Variants in PTP4A3 observed in about 807,000 individuals in gnomAD.
PTP4A3 encodes the protein protein tyrosine phosphatase 4A3.
PTP4A3 carries 9 observed loss-of-function variants against 15.2 expected under a neutral mutation model. The ratio of observed to expected loss-of-function variants is 0.59; its 90% CI spans 0.36 to 1.03. The LOEUF is 1.03. Ranked by LOEUF, PTP4A3 falls within the 50% of genes least tolerant of loss-of-function variation. The probability of loss-of-function intolerance (pLI) is 0.02; values close to 1 mark genes in which losing one functional copy is unlikely to be tolerated. For missense variants in PTP4A3, 234 were observed against 252.1 expected (o/e 0.93, Z 0.49); for synonymous variants, 95 against 102.0 (o/e 0.93, Z 0.41).
In PTP4A3 at chr8:141,425,022, T is replaced by C. The variant is rs1833501979; in HGVS notation, c.106-26T>C. ...GAGCCCTGCAGCCCCAGCCCAGCCCTGCCTCCTCCGTCCTCCCACCCCCAG... is the reference window on the plus strand; with the variant it reads ...GAGCCCTGCAGCCCCAGCCCAGCCCCGCCTCCTCCGTCCTCCCACCCCCAG... On this transcript the variant is annotated intron_variant, in intron 2 of 5. Transcript: ENST00000521578. The surrounding 1 kb of genome is among the most constrained non-coding windows in gnomAD (Gnocchi z 4.2). 1.3e-6 allele frequency: 2 copies of C among 1,584,458 alleles called. No homozygotes were observed. Among genetic ancestry groups the C allele is most frequent in the East Asian group, 2.2e-5 (1 of 44,628 alleles).
intron 1 of PTP4A3, among the ~76,000 whole-genome samples, chr8:141,405,083 G>A (rs1031403821): frequency 1.7e-4 from 26 of 152,174 alleles, no homozygotes; most frequent in Admixed American, 1.5e-3. Context: ...CCTGTCTGCC[G>A]CCCACAGTCC....
At chr8:141,430,115 G>A (rs190240586) in intron 5 of PTP4A3, among the ~76,000 whole-genome samples, 25 of 144,502 alleles carry the variant, frequency 1.7e-4, no homozygotes, top group African/African-American at 5.4e-4. Flanking sequence ...CAGGGTGAGC[G>A]TACAGCCCAG....
chr8:141,420,605 T>C (rs1833285420), intron 1 of PTP4A3, among the ~76,000 whole-genome samples: 1 of 152,178 alleles, frequency 6.6e-6, no homozygotes, highest in Non-Finnish European at 1.5e-5. Flanking sequence ...GTCACCACCT[T>C]GGCATGTGTG....
rs970483411 is a variant in PTP4A3, at chr8:141,408,136, C to A, written c.-853-13252C>A. 3.3e-5 allele frequency among the ~76,000 whole-genome samples: 5 copies of A among 152,244 alleles called. No individual in the cohort carries two copies. In the East Asian group the frequency reaches 7.7e-4, roughly 24 times the overall value. On this transcript the variant is annotated intron_variant, in intron 1 of 5. Coordinates refer to ENST00000521578, the MANE Select transcript of PTP4A3 (RefSeq NM_032611.3). ...GCAGAGGGCCACGTGGTGTGTGAGG[C>A]CATTCACAGCAAATGTCCTGAACAG... is the stretch of plus-strand genomic sequence containing the variant.
chr8:141,401,392 G>T lies in PTP4A3; in HGVS notation c.-854+9308G>T, dbSNP rs777935414. 2.4e-3 allele frequency among the ~76,000 whole-genome samples: 362 copies of T among 152,282 alleles called. 10 individuals are homozygous for T. Among genetic ancestry groups the T allele is most frequent in the East Asian group, 1.5e-3 (8 of 5,180 alleles). On this transcript the variant is annotated intron_variant, in intron 1 of 5. Transcript: ENST00000521578. ...GGGAGGGCACTGGGTTTGGTGGGCT[G>T]GCCCTGGGGTAACTTGCCTGCCTGT...
At chr8:141,424,899 T>C (rs1164489617) in intron 2 of PTP4A3, 149 bp from the exon 3 acceptor site, 5 of 663,212 alleles carry the variant, frequency 7.5e-6, no homozygotes, top group Non-Finnish European at 1.3e-5. Context: ...GGGACAGGGC[T>C]CCACCCCGAG....
chr8:141,412,127 A>G (rs1832886142), intron 1 of PTP4A3, among the ~76,000 whole-genome samples: 1 of 152,150 alleles, frequency 6.6e-6, no homozygotes, highest in Non-Finnish European at 1.5e-5. Context: ...TCATGGGTAT[A>G]TGGGGGTGCT....
At chr8:141,395,968 T>C (rs968764051) in intron 1 of PTP4A3, among the ~76,000 whole-genome samples, 1 of 152,172 alleles carries the variant, frequency 6.6e-6, no homozygotes, top group East Asian at 1.9e-4. Context: ...TGGGGACAGA[T>C]GGGGCTGCCT....
At chr8:141,395,356 G>A (rs1021251447) in intron 1 of PTP4A3, among the ~76,000 whole-genome samples, 2 of 152,216 alleles carry the variant, frequency 1.3e-5, no homozygotes, top group African/African-American at 4.8e-5. Flanking sequence ...TGGCCCTAAG[G>A]ACCCCTAGGT....
rs992746668 is a variant in PTP4A3, at chr8:141,425,848, G to C, written c.198+708G>C. On this transcript the variant is annotated intron_variant, in intron 3 of 5. Transcript: ENST00000521578. The surrounding 1 kb of genome is among the most constrained non-coding windows in gnomAD (Gnocchi z 4.2). ...AGCTTGGCGGTTTGGAATGGTGGCAGCGCTGGCGGTTTGGGGTCAGACAGG... is the reference window on the plus strand; with the variant it reads ...AGCTTGGCGGTTTGGAATGGTGGCACCGCTGGCGGTTTGGGGTCAGACAGG... Among the ~76,000 whole-genome samples, 1 of 152,206 alleles carries C rather than the reference G, an allele frequency of 6.6e-6. No individual in the cohort carries two copies. The highest frequency in any genetic ancestry group is 6.5e-5 in the Admixed American group (1 of 15,286).
intron 1 of PTP4A3, among the ~76,000 whole-genome samples, chr8:141,407,314 C>T (rs1411077669): frequency 6.6e-6 from 1 of 152,214 alleles, no homozygotes; most frequent in Non-Finnish European, 1.5e-5. Context: ...CCTCAACCTC[C>T]CGTACCCAAT....
At chr8:141,408,026 G>C (rs1224600045) in intron 1 of PTP4A3, among the ~76,000 whole-genome samples, 2 of 152,186 alleles carry the variant, frequency 1.3e-5, no homozygotes, top group Non-Finnish European at 2.9e-5. Flanking sequence ...TAGAATATAG[G>C]CGGCCAACAG....
Position 141,406,922 on chromosome 8 carries a change from C to G in PTP4A3, c.-853-14466C>G, listed in dbSNP as rs1459865099. Among the ~76,000 whole-genome samples the G allele has an allele frequency of 1.3e-5, 2 of 152,214 alleles. No individual in the cohort carries two copies. The highest frequency in any genetic ancestry group is 2.9e-5 in the Non-Finnish European group (2 of 68,036). On this transcript the variant is annotated intron_variant, in intron 1 of 5. Transcript: ENST00000521578. This position sits in a 1 kb window ranked among gnomAD's most constrained non-coding sequence, Gnocchi z 4.5. ...TATGCTTTGAACTTCCAAAAATGCG[C>G]TCAGAAATCTTTCCTGTCCTCTAGG...
Position 141,416,467 on chromosome 8 carries a change from A to G in PTP4A3, c.-853-4921A>G, listed in dbSNP as rs60831463. Among the ~76,000 whole-genome samples, 545 of 151,998 alleles carry G rather than the reference A, an allele frequency of 3.6e-3. 3 individuals carry two copies. The highest frequency in any genetic ancestry group is 0.013 in the African/African-American group (527 of 41,442). On this transcript the variant is annotated intron_variant, in intron 1 of 5. Coordinates refer to ENST00000521578, the MANE Select transcript of PTP4A3 (RefSeq NM_032611.3). ...ATCCTTAGAAAGTGGCTGAGGTTGG[A>G]GATTGGTGGGGCAGAGTCCCTGAAG... is the stretch of plus-strand genomic sequence containing the variant.
At chr8:141,413,627 C>T (rs1380953803) in intron 1 of PTP4A3, among the ~76,000 whole-genome samples, 3 of 152,222 alleles carry the variant, frequency 2.0e-5, no homozygotes, top group Admixed American at 1.3e-4. Context: ...CGGCTCCCTC[C>T]TGCCCAGGGC....
intron 1 of PTP4A3, among the ~76,000 whole-genome samples, chr8:141,396,315 A>G (rs377667760): frequency 6.6e-6 from 1 of 152,314 alleles, no homozygotes; most frequent in East Asian, 1.9e-4. Context: ...CTAGGGGAGA[A>G]GTGACGTGCC....
chr8:141,404,309 C>T (rs898274033), intron 1 of PTP4A3, among the ~76,000 whole-genome samples: 13 of 152,274 alleles, frequency 8.5e-5, no homozygotes, highest in East Asian at 1.9e-4. Context: ...GGGCCCTCTT[C>T]GGGGCCTCTG....
In PTP4A3 at chr8:141,422,092, T is replaced by C; in HGVS notation, c.-149T>C. 1 of 681,050 alleles carries C rather than the reference T, an allele frequency of 1.5e-6. No homozygotes were observed. The highest frequency in any genetic ancestry group is 2.5e-6 in the Non-Finnish European group (1 of 395,768). The allele number at this position is 681,050 out of a possible 1,614,324, so 42.2% of individuals were successfully genotyped here. ...ATTTGCACAATATTTGTGCGGGGTA[T>C]GGGGGTGGGTTTTTAAATCTCGTTT... is the stretch of plus-strand genomic sequence containing the variant. On this transcript the variant is annotated 5_prime_UTR_variant, in exon 2 of 6. The change abolishes an upstream ATG in the 5' untranslated region. Coordinates refer to ENST00000521578, the MANE Select transcript of PTP4A3 (RefSeq NM_032611.3).
At position 141,422,331 on chromosome 8, in the gene PTP4A3, A is replaced by G; in HGVS notation, c.91A>G (p.Ser31Gly). ...ITHNPTNATL[S>G]TFIEDLKKYG... is the part of the protein sequence containing the mutation. ...CCACAACCCCACCAACGCCACGCTC[A>G]GCACCTTCATTGAGGTGAGTGGAGA... Residue 31 changes from serine (S) to glycine (G), a missense_variant, in exon 2 of 6, where the codon AGC becomes GGC. Ser to Gly is a moderately conservative substitution (Grantham distance 56). Coordinates refer to ENST00000521578, the MANE Select transcript of PTP4A3 (RefSeq NM_032611.3). 1 of 1,613,416 alleles carries G rather than the reference A, an allele frequency of 6.2e-7. No individual in the cohort carries two copies. Among genetic ancestry groups the G allele is most frequent in the Non-Finnish European group, 8.5e-7 (1 of 1,179,938 alleles).
Sources: gnomAD v4.1 joint callset for allele counts (sites outside exome capture counted in the v4.1 genomes callset) on GRCh38, gnomAD v4.1.1 for gene constraint, Gnocchi (gnomAD v3.1) non-coding constraint, MANE v1.5 for transcripts, NCBI Gene and HGNC (gene_info 2026-07-23, HGNC 2026-07-21) for gene names.